The following PLCB4 variants were observed in gnomAD, a reference collection of about 807,000 sequenced individuals.
The protein encoded by PLCB4 is phospholipase C beta 4, also known as 1-phosphatidylinositol 4,5-bisphosphate phosphodiesterase beta-4.
PLCB4 carries 77 observed loss-of-function variants against 178.8 expected under a neutral mutation model. That is an observed-to-expected ratio of 0.43 (90% CI 0.36 to 0.52). The LOEUF is 0.52. Among genes scored for constraint, PLCB4 ranks in the 20% least tolerant of loss-of-function variants. The probability of loss-of-function intolerance (pLI) is 0.00; values close to 1 mark genes in which losing one functional copy is unlikely to be tolerated. For missense variants in PLCB4, 1,024 were observed against 1,453.4 expected (o/e 0.70, Z 4.80); for synonymous variants, 496 against 490.8 (o/e 1.01, Z -0.14).
intron 35 of PLCB4, 94 bp downstream of exon 35, chr20:9,459,904 C>A: frequency 2.7e-6 from 2 of 744,060 alleles, no homozygotes; most frequent in Non-Finnish European, 2.2e-6. Context: ...TAAGTGAAAT[C>A]AATTTGACGT....
chr20:9,253,747 A>G (rs1288897446), intron 3 of PLCB4, among the ~76,000 whole-genome samples: 1 of 152,202 alleles, frequency 6.6e-6, no homozygotes, highest in East Asian at 1.9e-4. Context: ...ATTTGGGTAC[A>G]CTGGAAGCTG....
chr20:9,155,539 C>T (rs376236741), intron 2 of PLCB4, among the ~76,000 whole-genome samples: 10 of 152,108 alleles, frequency 6.6e-5, no homozygotes, highest in Non-Finnish European at 2.9e-5. Flanking sequence ...TGTATGGATG[C>T]TTGATTCTTT....
intron 29 of PLCB4, 96 bp downstream of exon 29, chr20:9,435,744 T>C (rs780475525): frequency 4.1e-4 from 294 of 718,152 alleles, no homozygotes; most frequent in Non-Finnish European, 6.2e-4. Flanking sequence ...AATTAGCAAA[T>C]TTAAGGAGGG....
At chr20:9,148,179 G>C (rs2092631503) in intron 2 of PLCB4, among the ~76,000 whole-genome samples, 1 of 152,126 alleles carries the variant, frequency 6.6e-6, no homozygotes, top group African/African-American at 2.4e-5. Flanking sequence ...TCCCAGAGAG[G>C]TTAATTGGGC....
At chr20:9,170,272 G>A (rs2093042063) in intron 2 of PLCB4, among the ~76,000 whole-genome samples, 1 of 152,224 alleles carries the variant, frequency 6.6e-6, no homozygotes, top group African/African-American at 2.4e-5. Context: ...AGGAATGCAT[G>A]TTGTACAACA....
Position 9,380,171 on chromosome 20 carries a change from CA to C in PLCB4, c.853+10del. The C allele has an allele frequency of 2.3e-6, 3 of 1,278,814 alleles. No individual in the cohort carries two copies. The highest frequency in any genetic ancestry group is 3.3e-6 in the Non-Finnish European group (3 of 918,134). 79.2% of individuals were successfully genotyped at this position (1,278,814 alleles called of 1,614,324 possible). A position where few individuals can be genotyped will look rare whatever the true frequency, so the allele number is the denominator to read the frequency against. On this transcript the variant is annotated intron_variant, in intron 13 of 39. Coordinates refer to ENST00000378473, the MANE Select transcript of PLCB4 (RefSeq NM_001377142.1). ...AGATTTGAAGAAAAAAGGTAATAAACATGAAAAAAGGACTTAAAAAAAAAAA... is the reference window on the plus strand; with the variant it reads ...AGATTTGAAGAAAAAAGGTAATAAACTGAAAAAAGGACTTAAAAAAAAAAA...
At chr20:9,384,696 G>A (rs1266491030) in intron 14 of PLCB4, among the ~76,000 whole-genome samples, 1 of 151,582 alleles carries the variant, frequency 6.6e-6, no homozygotes, top group Non-Finnish European at 1.5e-5. Flanking sequence ...TTGTAAGAAG[G>A]CGTGTTGAGT....
chr20:9,315,012 C>G (rs1349520488), intron 4 of PLCB4, among the ~76,000 whole-genome samples: 1 of 152,090 alleles, frequency 6.6e-6, no homozygotes, highest in Non-Finnish European at 1.5e-5. Flanking sequence ...TCTGGGATTA[C>G]AAGCATGTGC....
intron 3 of PLCB4, among the ~76,000 whole-genome samples, chr20:9,296,749 A>G (rs1307482477): frequency 6.6e-6 from 1 of 152,136 alleles, no homozygotes; most frequent in African/African-American, 2.4e-5. Context: ...TCAACAAACT[A>G]TTGCAAGGAC....
intron 33 of PLCB4, among the ~76,000 whole-genome samples, chr20:9,456,528 A>G (rs1365549906): frequency 6.6e-6 from 1 of 152,228 alleles, no homozygotes; most frequent in African/African-American, 2.4e-5. Context: ...AAATATTACA[A>G]GTGCATGCCC....
chr20:9,324,704 A>G (rs372088645), intron 4 of PLCB4, among the ~76,000 whole-genome samples: 3 of 152,172 alleles, frequency 2.0e-5, no homozygotes, highest in African/African-American at 7.2e-5. Flanking sequence ...GTGATGTTCC[A>G]GTAATTGCTG....
At chr20:9,301,712 G>T (rs2094706231) in intron 3 of PLCB4, among the ~76,000 whole-genome samples, 1 of 152,056 alleles carries the variant, frequency 6.6e-6, no homozygotes, top group African/African-American at 2.4e-5. Flanking sequence ...AACTCTGCCA[G>T]TTTCTTATTA....
intron 38 of PLCB4, among the ~76,000 whole-genome samples, chr20:9,475,430 A>G (rs1281796447): frequency 1.3e-5 from 2 of 152,190 alleles, no homozygotes; most frequent in African/African-American, 4.8e-5. Flanking sequence ...TGTATTGATT[A>G]GATTGTATTG....
chr20:9,335,382 A>T (rs1231469213), intron 4 of PLCB4, among the ~76,000 whole-genome samples: 1 of 152,138 alleles, frequency 6.6e-6, no homozygotes, highest in Non-Finnish European at 1.5e-5. Context: ...CAAATTTCTA[A>T]TGTGAGGTCA....
At chr20:9,159,912 GTT>G (rs2092857253) in intron 2 of PLCB4, among the ~76,000 whole-genome samples, 1 of 152,258 alleles carries the variant, frequency 6.6e-6, no homozygotes, top group Admixed American at 6.5e-5. Flanking sequence ...GTCTTTTACC[GTT>G]CAGTGTGCTC....
chr20:9,348,263 G>A (rs549507128), intron 7 of PLCB4, among the ~76,000 whole-genome samples: 88 of 152,282 alleles, frequency 5.8e-4, no homozygotes, highest in African/African-American at 2.0e-3. Flanking sequence ...GTTGTTCTCG[G>A]CTTCAATCAG....
In PLCB4 at chr20:9,395,501, CTT is replaced by C. The variant is rs957916251; in HGVS notation, c.1415-20_1415-19del. The C allele has an allele frequency of 1.3e-6, 2 of 1,560,926 alleles. No homozygotes were observed. Among genetic ancestry groups the C allele is most frequent in the African/African-American group, 2.7e-5 (2 of 73,776 alleles). ...TGTTACCTAGCATCTGTCACCATCTCTTTGCGTGTTTTTGCTAACAGAACAGC... is the reference window on the plus strand; with the variant it reads ...TGTTACCTAGCATCTGTCACCATCTCTGCGTGTTTTTGCTAACAGAACAGC... On this transcript the variant is annotated intron_variant, in intron 18 of 39. Coordinates refer to ENST00000378473, the MANE Select transcript of PLCB4 (RefSeq NM_001377142.1).
intron 35 of PLCB4, among the ~76,000 whole-genome samples, chr20:9,460,354 A>G (rs1321051911): frequency 6.6e-6 from 1 of 152,218 alleles, no homozygotes; most frequent in Non-Finnish European, 1.5e-5. Context: ...ACACAGAGAG[A>G]TAAAGACCAA....
intron 7 of PLCB4, among the ~76,000 whole-genome samples, chr20:9,362,336 A>T (rs1266270088): frequency 6.6e-6 from 1 of 152,208 alleles, no homozygotes; most frequent in African/African-American, 2.4e-5. Context: ...GTGAGGTCCA[A>T]GTCCTTATAC....
Sources: allele counts gnomAD v4.1 joint callset (sites outside exome capture counted in the v4.1 genomes callset), GRCh38; gene constraint gnomAD v4.1.1; transcripts MANE v1.5; gene names NCBI Gene and HGNC (gene_info 2026-07-23, HGNC 2026-07-21).